Variants in UNC79 observed in about 807,000 individuals in gnomAD.
UNC79 encodes the protein unc-79 subunit of NALCN channel complex, also known as protein unc-79 homolog.
UNC79 carries 37 observed loss-of-function variants against 283.1 expected under a neutral mutation model. The observed-to-expected ratio is 0.13, with a 90% CI of 0.10 to 0.17. The LOEUF (loss-of-function observed/expected upper bound fraction) is 0.17, where lower values mean the gene tolerates loss of function less well. Ranked by LOEUF, UNC79 falls within the 10% of genes least tolerant of loss-of-function variation. The pLI, the probability that UNC79 is intolerant of heterozygous loss-of-function variation, is 1.00. For missense variants in UNC79, 2,272 were observed against 3,211.1 expected, an observed-to-expected ratio of 0.71 and a Z score of 7.07; for synonymous variants, 1,107 against 1,200.2, an observed-to-expected ratio of 0.92 and a Z score of 1.61.
At chr14:93,702,532 G>A (rs567081684) in intron 47 of UNC79, among the ~76,000 whole-genome samples, 1 of 152,182 alleles carries the variant, frequency 6.6e-6, no homozygotes, top group Non-Finnish European at 1.5e-5. Context: ...AACAAAAACA[G>A]GGAGAGAAAT....
chr14:93,545,939 C>A (rs1410906241), intron 14 of UNC79, among the ~76,000 whole-genome samples: 2 of 152,062 alleles, frequency 1.3e-5, no homozygotes, highest in South Asian at 2.1e-4. Context: ...TTTGCTGCTG[C>A]TGATGGTTGG....
At chr14:93,639,565 A>AT (rs776777619) in intron 32 of UNC79, among the ~76,000 whole-genome samples, 3 of 152,218 alleles carry the variant, frequency 2.0e-5, no homozygotes, top group Non-Finnish European at 4.4e-5. Context: ...TTAGGGAAGG[A>AT]TGTTATCTTG....
At position 93,347,199 on chromosome 14, in the gene UNC79, T is replaced by C. The variant is rs1407912662; in HGVS notation, c.-351+13676T>C. On this transcript the variant is annotated intron_variant, in intron 1 of 49. Transcript: ENST00000256339. ...CGCAAACCAGCTGCCTCACGAGCAC[T>C]GGAGCTTGCGTTACTTGGCCTCACC... 1.3e-5 allele frequency: 20 copies of C among 1,503,038 alleles called. No individual in the cohort carries two copies. The Admixed American group carries it at 3.7e-4, about 28-fold the overall frequency. The allele number at this position is 1,503,038 out of a possible 1,614,324, so 93.1% of individuals were successfully genotyped here. A position where few individuals can be genotyped will look rare whatever the true frequency, so the allele number is the denominator to read the frequency against.
chr14:93,688,027 G>A lies in UNC79; in HGVS notation c.6910-638G>A, dbSNP rs934828229. Among the ~76,000 whole-genome samples the A allele has an allele frequency of 6.6e-6, 1 of 152,122 alleles. No homozygotes were observed. Among genetic ancestry groups the A allele is most frequent in the Admixed American group, 6.5e-5 (1 of 15,278 alleles). On this transcript the variant is annotated intron_variant, in intron 43 of 48. Transcript: ENST00000555664. The surrounding 1 kb of genome is among the most constrained non-coding windows in gnomAD (Gnocchi z 4.0). ...AACCTAGGTCTCAATGCCTAGTTCA[G>A]TGCCCTTCCCACTGAGCTCACACTG...
chr14:93,682,701 C>T lies in UNC79; in HGVS notation c.6819+7C>T. On this transcript the variant is annotated splice_region_variant and intron_variant, in intron 42 of 48. Transcript: ENST00000555664. ...GATAGCCTCTGTACCTGGAGTAAGT[C>T]CTGACCAAATTCATTGTCTACATAC... The T allele has an allele frequency of 6.2e-7, 1 of 1,613,192 alleles. No individual in the cohort carries two copies. The highest frequency in any genetic ancestry group is 2.2e-5 in the East Asian group (1 of 44,822).
intron 4 of UNC79, among the ~76,000 whole-genome samples, chr14:93,484,185 C>G (rs1354234197): frequency 1.3e-5 from 2 of 152,208 alleles, no homozygotes. Context: ...TCCTCTCCAG[C>G]ACCTGTTGTT....
At position 93,693,908 on chromosome 14, in the gene UNC79, G is replaced by A. The variant is rs575974651; in HGVS notation, c.7471-427G>A. Among the ~76,000 whole-genome samples, 3 of 152,256 alleles carry A rather than the reference G, an allele frequency of 2.0e-5. No individual in the cohort carries two copies. The South Asian group carries it at 6.2e-4, about 32-fold the overall frequency. ...ATATTATTTTAAATCATTATATGGT[G>A]TATAAAAGTAATTCAAGCATTTGTC... is the stretch of plus-strand genomic sequence containing the variant. On this transcript the variant is annotated intron_variant, in intron 46 of 48. Transcript: ENST00000555664.
intron 1 of UNC79, among the ~76,000 whole-genome samples, chr14:93,392,156 A>T (rs1271459060): frequency 6.6e-6 from 1 of 152,230 alleles, no homozygotes; most frequent in African/African-American, 2.4e-5. Flanking sequence ...TACATTTGGT[A>T]ATTTCAAATT....
chr14:93,644,353 T>C (rs1055773239), intron 34 of UNC79, among the ~76,000 whole-genome samples: 1 of 152,226 alleles, frequency 6.6e-6, no homozygotes, highest in African/African-American at 2.4e-5. Context: ...AATAACAAAC[T>C]GTAGTCTTAG....
chr14:93,342,457 G>C (rs1199227151), intron 1 of UNC79, among the ~76,000 whole-genome samples: 2 of 152,186 alleles, frequency 1.3e-5, no homozygotes, highest in Non-Finnish European at 2.9e-5. Context: ...TCCTTCCTAG[G>C]CCTCTGGGCC....
At chr14:93,460,506 CAAAAAAAAA>C (rs33915324) in intron 1 of UNC79, among the ~76,000 whole-genome samples, 1 of 103,282 alleles carries the variant, frequency 9.7e-6, no homozygotes, top group Non-Finnish European at 2.0e-5. Context: ...CAAGACTTCT[CAAAAAAAAA>C]AAAAAAAAAA....
chr14:93,398,231 G>A (rs993026081), intron 1 of UNC79, among the ~76,000 whole-genome samples: 2 of 152,138 alleles, frequency 1.3e-5, no homozygotes, highest in African/African-American at 4.8e-5. Flanking sequence ...TTGTGATTTG[G>A]TAATACCTAC....
At chr14:93,678,989 G>C (rs1397193379) in intron 41 of UNC79, among the ~76,000 whole-genome samples, 1 of 152,108 alleles carries the variant, frequency 6.6e-6, no homozygotes, top group Non-Finnish European at 1.5e-5. Context: ...TGACGTTTTT[G>C]CTTTTTGTTT....
intron 1 of UNC79, chr14:93,347,129 G>A (rs1385999736): frequency 1.8e-5 from 16 of 911,506 alleles, no homozygotes; most frequent in Non-Finnish European, 2.4e-5. Context: ...GAAGGGGTGG[G>A]GTAGGGGGCG....
intron 1 of UNC79, chr14:93,347,260 T>G: frequency 6.3e-7 from 1 of 1,599,306 alleles, no homozygotes; most frequent in South Asian, 1.1e-5. Flanking sequence ...TTGTCTCACC[T>G]GACGCGATAT....
intron 48 of UNC79, 76 bp from the exon 52 acceptor site, chr14:93,706,628 G>T: frequency 6.4e-7 from 1 of 1,564,144 alleles, no homozygotes; most frequent in East Asian, 2.3e-5. Context: ...CTGCCTGCAA[G>T]AAGCCGCCCG....
chr14:93,526,278 T>A (rs2141008731), intron 8 of UNC79, among the ~76,000 whole-genome samples: 1 of 152,310 alleles, frequency 6.6e-6, no homozygotes, highest in African/African-American at 2.4e-5. Flanking sequence ...TGCTTTACAG[T>A]GTGAGTCCGC....
At position 93,690,330 on chromosome 14, in the gene UNC79, C is replaced by T. The variant is rs371144558; in HGVS notation, c.7272+27C>T. 4.4e-6 allele frequency: 7 copies of T among 1,595,220 alleles called. No homozygotes were observed. The highest frequency in any genetic ancestry group is 3.4e-6 in the Non-Finnish European group (4 of 1,168,792). On this transcript the variant is annotated intron_variant, in intron 45 of 48. Transcript: ENST00000555664. The surrounding 1 kb of genome is among the most constrained non-coding windows in gnomAD (Gnocchi z 4.3). ...TAAGTGATTTCTGCAAGATTAAGAC[C>T]GTATGCATCGCAATTGCTAATGGAA...
chr14:93,465,903 A>T (rs995959998), intron 1 of UNC79, among the ~76,000 whole-genome samples: 1 of 152,186 alleles, frequency 6.6e-6, no homozygotes, highest in Non-Finnish European at 1.5e-5. Context: ...CTGGCCTAGC[A>T]TATATCTCGG....
Sources: allele counts gnomAD v4.1 joint callset (sites outside exome capture counted in the v4.1 genomes callset), GRCh38; gene constraint gnomAD v4.1.1; non-coding constraint Gnocchi (gnomAD v3.1); transcripts MANE v1.5; gene names NCBI Gene and HGNC (gene_info 2026-07-23, HGNC 2026-07-21).